Variants in PCDHGA2 observed in about 807,000 individuals in gnomAD.
PCDHGA2 encodes protocadherin gamma subfamily A, 2, also known as protocadherin gamma-A2.
PCDHGA2 carries 40 observed loss-of-function variants against 59.2 expected under a neutral mutation model. That is an observed-to-expected ratio of 0.68 (90% confidence interval 0.52 to 0.88). PCDHGA2 has a LOEUF of 0.88. Ranked by LOEUF, PCDHGA2 falls within the 40% of genes least tolerant of loss-of-function variation. The pLI, the probability that PCDHGA2 is intolerant of heterozygous loss-of-function variation, is 0.00. For synonymous variants in PCDHGA2, 560 were observed against 526.0 expected, an observed-to-expected ratio of 1.06 and a Z score of -0.89; for missense variants, 1,226 against 1,204.0, an observed-to-expected ratio of 1.02 and a Z score of -0.27.
In PCDHGA2 at chr5:141,489,950, A is replaced by G; in HGVS notation, c.2425-4857A>G. 2 of 1,614,192 alleles carry G rather than the reference A, an allele frequency of 1.2e-6. No individual in the cohort carries two copies. The highest frequency in any genetic ancestry group is 1.1e-5 in the South Asian group (1 of 91,088). ...TCTGTCATCGTGCTGGACATCAATG[A>G]TAATGCTCCAACCTTCCAATCCTCA... On this transcript the variant is annotated intron_variant, in intron 1 of 3. Transcript: ENST00000394576. The surrounding 1 kb of genome is among the most constrained non-coding windows in gnomAD (Gnocchi z 4.5).
rs757691247 is a variant in PCDHGA2 at position 141,399,920 on chromosome 5, C to T, written c.2424+58525C>T. On this transcript the variant is annotated intron_variant, in intron 1 of 3. Coordinates refer to ENST00000394576, the MANE Select transcript of PCDHGA2 (RefSeq NM_018915.4). ...GTGGACGCAGACTCAGGACACAACG[C>T]CTGGCTGTCCTACCACGTGCTGCAG... is the stretch of plus-strand genomic sequence containing the variant. 1.2e-5 allele frequency: 20 copies of T among 1,612,216 alleles called. No homozygotes were observed. The South Asian group carries it at 2.1e-4, about 17-fold the overall frequency.
chr5:141,365,591 A>C (rs1341115050), intron 1 of PCDHGA2: 1 of 1,613,546 alleles, frequency 6.2e-7, no homozygotes, highest in African/African-American at 1.3e-5. Context: ...TTATAATATC[A>C]CTTTAACCGT....
intron 1 of PCDHGA2, chr5:141,415,889 T>C: frequency 2.1e-6 from 2 of 942,152 alleles, no homozygotes; most frequent in Non-Finnish European, 2.9e-6. Context: ...TATTGACAAT[T>C]CCTAAGACAG....
At chr5:141,390,123 C>T in intron 1 of PCDHGA2, 1 of 1,614,008 alleles carries the variant, frequency 6.2e-7, no homozygotes, top group Non-Finnish European at 8.5e-7. Context: ...GGGGACTTTG[C>T]CTTATTCCTA....
intron 1 of PCDHGA2, among the ~76,000 whole-genome samples, chr5:141,450,685 C>T (rs542985781): frequency 6.6e-6 from 1 of 152,020 alleles, no homozygotes; most frequent in South Asian, 2.1e-4. Context: ...CGGGGTTTTG[C>T]CATGTTGCCC....
At chr5:141,385,369 G>A in intron 1 of PCDHGA2, 1 of 1,532,174 alleles carries the variant, frequency 6.5e-7, no homozygotes, top group East Asian at 2.3e-5. Flanking sequence ...TTATTTGCAT[G>A]ATATTTCTCT....
intron 1 of PCDHGA2, chr5:141,387,998 C>T: frequency 6.7e-7 from 1 of 1,485,204 alleles, no homozygotes; most frequent in South Asian, 1.3e-5. Flanking sequence ...ACAGGATTCC[C>T]GAGGAAATGC....
chr5:141,490,004 C>A lies in PCDHGA2; in HGVS notation c.2425-4803C>A. The A allele has an allele frequency of 6.2e-7, 1 of 1,614,174 alleles. No homozygotes were observed. The highest frequency in any genetic ancestry group is 1.7e-5 in the Admixed American group (1 of 60,034). On this transcript the variant is annotated intron_variant, in intron 1 of 3. Transcript: ENST00000394576. The surrounding 1 kb of genome is among the most constrained non-coding windows in gnomAD (Gnocchi z 5.4). ...CTACGTGTGGGAATCCCAGAGAATGCACCCATTGGTACTCTGCTGCTCCGC... is the reference window on the plus strand; with the variant it reads ...CTACGTGTGGGAATCCCAGAGAATGAACCCATTGGTACTCTGCTGCTCCGC...
intron 1 of PCDHGA2, chr5:141,365,793 C>G (rs780558730): frequency 1.2e-6 from 2 of 1,613,948 alleles, no homozygotes; most frequent in South Asian, 2.2e-5. Flanking sequence ...GCTCGAGTCA[C>G]CTACTCCCTG....
chr5:141,430,458 A>G, intron 1 of PCDHGA2: 1 of 204,230 alleles, frequency 4.9e-6, no homozygotes, highest in Non-Finnish European at 9.7e-6. Context: ...GAAGAACAGT[A>G]GGTGGAGCTA....
chr5:141,405,398 CT>C, intron 1 of PCDHGA2: 1 of 1,590,264 alleles, frequency 6.3e-7, no homozygotes, highest in Non-Finnish European at 8.6e-7. Context: ...TTTTTTCTTT[CT>C]TTCTTTTCTT....
rs144585584 is a variant in PCDHGA2 at position 141,478,339 on chromosome 5, C to T, written c.2425-16468C>T. 998 of 1,613,918 alleles carry T rather than the reference C, an allele frequency of 6.2e-4. 16 individuals carry two copies. In the East Asian group the frequency reaches 0.019, roughly 31 times the overall value. Reference sequence around the variant, plus strand: ...CACTGTACCGAACACCAGGGCCCTCCTTGCACGCGGACGCCGTGCGGGGAG... The same window carrying T: ...CACTGTACCGAACACCAGGGCCCTCTTTGCACGCGGACGCCGTGCGGGGAG... On this transcript the variant is annotated intron_variant, in intron 1 of 3. Transcript: ENST00000394576.
chr5:141,456,783 C>G (rs1400541298), intron 1 of PCDHGA2, among the ~76,000 whole-genome samples: 3 of 151,802 alleles, frequency 2.0e-5, no homozygotes, highest in African/African-American at 4.8e-5. Flanking sequence ...GCCTACATGG[C>G]AAAACCCCAT....
Position 141,340,618 on chromosome 5 carries a change from C to T in PCDHGA2, c.1647C>T (p.Ser549=), listed in dbSNP as rs754800627. The change falls in exon 1 of 4, where the codon AGC becomes AGT. Residue 549 remains serine, a synonymous_variant. Coordinates refer to ENST00000394576, the MANE Select transcript of PCDHGA2 (RefSeq NM_018915.4). ...CACTCAGTAGCAATGTATCATTAAGCCTGTTCGTGCTGGACCAGAACGACA... is the reference window on the plus strand; with the variant it reads ...CACTCAGTAGCAATGTATCATTAAGTCTGTTCGTGCTGGACCAGAACGACA... ...NPPLSSNVSL[S]LFVLDQNDNA... 31 of 1,614,088 alleles carry T rather than the reference C, an allele frequency of 1.9e-5. No individual in the cohort carries two copies. The highest frequency in any genetic ancestry group is 9.3e-6 in the Non-Finnish European group (11 of 1,180,038).
At position 141,476,716 on chromosome 5, in the gene PCDHGA2, C is replaced by G; in HGVS notation, c.2425-18091C>G. The G allele has an allele frequency of 6.2e-7, 1 of 1,614,148 alleles. No individual in the cohort carries two copies. On this transcript the variant is annotated intron_variant, in intron 1 of 3. Transcript: ENST00000394576. The surrounding 1 kb of genome is among the most constrained non-coding windows in gnomAD (Gnocchi z 7.6). The stretch of plus-strand genomic sequence containing the variant: ...AGTACGCGGAGCTGGTGTTGGAGCG[C>G]GCCCTGGACCGAGAACGGGAGCCTA...
chr5:141,486,828 G>A lies in PCDHGA2; in HGVS notation c.2425-7979G>A, dbSNP rs140257646. 77 of 1,614,218 alleles carry A rather than the reference G, an allele frequency of 4.8e-5. 1 individual carries two copies. In the East Asian group the frequency reaches 1.2e-3, roughly 26 times the overall value. On this transcript the variant is annotated intron_variant, in intron 1 of 3. Transcript: ENST00000394576. This position sits in a 1 kb window ranked among gnomAD's most constrained non-coding sequence, Gnocchi z 5.0. ...CCCCTTAGCAGCACTGTAACAGTTCGTCTATTTGTGCTGGACCTCAATGAC... is the reference window on the plus strand; with the variant it reads ...CCCCTTAGCAGCACTGTAACAGTTCATCTATTTGTGCTGGACCTCAATGAC...
chr5:141,403,388 G>A (rs1376620471), intron 1 of PCDHGA2: 1 of 1,613,904 alleles, frequency 6.2e-7, no homozygotes, highest in African/African-American at 1.3e-5. Context: ...TAACGAAATC[G>A]CGGTTCCTGG....
intron 1 of PCDHGA2, chr5:141,383,842 T>C: frequency 6.2e-7 from 1 of 1,613,970 alleles, no homozygotes. Context: ...AACTGCCTTC[T>C]ATGAAATGGA....
At chr5:141,365,453 G>A (rs1370392916) in intron 1 of PCDHGA2, 1 of 1,613,902 alleles carries the variant, frequency 6.2e-7, no homozygotes, top group Non-Finnish European at 8.5e-7. Context: ...ACATGATGGT[G>A]ATTCTGGAGA....
Sources: gnomAD v4.1 joint callset for allele counts (sites outside exome capture counted in the v4.1 genomes callset) on GRCh38, gnomAD v4.1.1 for gene constraint, Gnocchi (gnomAD v3.1) non-coding constraint, MANE v1.5 for transcripts, NCBI Gene and HGNC (gene_info 2026-07-23, HGNC 2026-07-21) for gene names.